The following APOL3 variants were observed in gnomAD, a reference collection of about 807,000 sequenced individuals.
APOL3 encodes apolipoprotein L3, also known as TNF-inducible protein CG12-1.
APOL3 carries 14 observed loss-of-function variants against 11.6 expected under a neutral mutation model. The ratio of observed to expected loss-of-function variants is 1.21; its 90% CI spans 0.80 to 1.89. The LOEUF (loss-of-function observed/expected upper bound fraction) is 1.89, where lower values mean the gene tolerates loss of function less well. Among genes scored for constraint, APOL3 ranks in the 40% most tolerant of loss-of-function variants. The pLI is 0.00. For missense variants in APOL3, 483 were observed against 492.1 expected, an observed-to-expected ratio of 0.98 and a Z score of 0.17; for synonymous variants, 192 against 190.6, an observed-to-expected ratio of 1.01 and a Z score of -0.06.
intron 1 of APOL3, among the ~76,000 whole-genome samples, chr22:36,151,044 ATTG>A (rs386821054): frequency 1.4e-4 from 22 of 152,326 alleles, no homozygotes; most frequent in African/African-American, 4.6e-4. Flanking sequence ...TCAGCCAAGA[ATTG>A]CCTGCTAAGC....
intron 1 of APOL3, among the ~76,000 whole-genome samples, chr22:36,155,069 A>G (rs926251223): frequency 6.6e-6 from 1 of 152,330 alleles, no homozygotes; most frequent in Non-Finnish European, 1.5e-5. Context: ...AACTGGTTCA[A>G]CCACCTACAG....
At chr22:36,148,414 C>G (rs1038666287) in intron 1 of APOL3, among the ~76,000 whole-genome samples, 4 of 152,220 alleles carry the variant, frequency 2.6e-5, no homozygotes, top group Admixed American at 6.5e-5. Flanking sequence ...GGCCAGGTAC[C>G]CATGTACTAT....
At chr22:36,145,303 C>G (rs1245414765) in intron 2 of APOL3, among the ~76,000 whole-genome samples, 170 bp downstream of exon 3, 1 of 152,198 alleles carries the variant, frequency 6.6e-6, no homozygotes, top group African/African-American at 2.4e-5. Flanking sequence ...TCACTCACTG[C>G]CAGCGAAGGA....
upstream of APOL3, among the ~76,000 whole-genome samples, chr22:36,164,395 T>G (rs2013807265): frequency 1.3e-5 from 2 of 152,188 alleles, no homozygotes; most frequent in South Asian, 4.2e-4. Flanking sequence ...AACAAACCTG[T>G]TACAACCTCC....
intron 1 of APOL3, among the ~76,000 whole-genome samples, chr22:36,147,324 G>A (rs1055506045): frequency 6.6e-6 from 1 of 152,144 alleles, no homozygotes; most frequent in African/African-American, 2.4e-5. Flanking sequence ...GATCCCTGTG[G>A]CCCTTCTGTG....
intron 2 of APOL3, among the ~76,000 whole-genome samples, chr22:36,144,873 C>A (rs1000168046): frequency 2.6e-5 from 4 of 151,636 alleles, no homozygotes; most frequent in African/African-American, 9.7e-5. Context: ...TAGCCGGATG[C>A]GGTGGCCGGA....
At chr22:36,163,006 C>T (rs531990312), upstream of APOL3, among the ~76,000 whole-genome samples, 1 of 152,284 alleles carries the variant, frequency 6.6e-6, no homozygotes, top group East Asian at 1.9e-4. Context: ...GGTATATCCC[C>T]CAACATGCCA....
intron 1 of APOL3, among the ~76,000 whole-genome samples, chr22:36,157,292 G>C (rs965918378): frequency 6.6e-6 from 1 of 152,150 alleles, no homozygotes; most frequent in Non-Finnish European, 1.5e-5. Context: ...ACCAACTACT[G>C]CCAGGGACTT....
At chr22:36,156,198 G>A (rs961636231) in intron 1 of APOL3, among the ~76,000 whole-genome samples, 15 of 151,776 alleles carry the variant, frequency 9.9e-5, no homozygotes, top group African/African-American at 3.1e-4. Context: ...AGGATCAATC[G>A]ATCCTCCTGC....
chr22:36,154,713 C>T (rs2012457877), intron 1 of APOL3: 1 of 458,308 alleles, frequency 2.2e-6, no homozygotes, highest in Non-Finnish European at 4.5e-6. Context: ...AGCAATTAGA[C>T]TTCATAATAC....
intron 1 of APOL3, 28 bp from the exon 3 acceptor site, chr22:36,145,627 G>C (rs2060169622): frequency 6.2e-7 from 1 of 1,611,058 alleles, no homozygotes; most frequent in Admixed American, 1.7e-5. Flanking sequence ...GCATAAGATT[G>C]GAAGAAAGTG....
intron 1 of APOL3, among the ~76,000 whole-genome samples, chr22:36,152,891 CTGAGGTTGGGAGT>C (rs1174532680): frequency 1.1e-4 from 17 of 152,160 alleles, no homozygotes; most frequent in Non-Finnish European, 2.1e-4. Flanking sequence ...GGTGGATCAC[CTGAGGTTGGGAGT>C]TCGAGAGCAG....
intron 1 of APOL3, chr22:36,150,038 C>G (rs2060374849): frequency 5.1e-6 from 2 of 390,560 alleles, no homozygotes; most frequent in Admixed American, 2.9e-5. Flanking sequence ...TCTCCAACTC[C>G]TGGTTTCAAG....
chr22:36,147,384 T>C (rs955394105), intron 1 of APOL3, among the ~76,000 whole-genome samples: 7 of 152,134 alleles, frequency 4.6e-5, no homozygotes, highest in African/African-American at 1.7e-4. Flanking sequence ...CTCCCCACTA[T>C]CACCTCTGAA....
rs1374779401 is a variant in APOL3 at position 36,144,984 on chromosome 22, C to T, written c.350+489G>A. Among the ~76,000 whole-genome samples the T allele has an allele frequency of 1.3e-4, 17 of 135,694 alleles. No homozygotes were observed. In the Admixed American group the frequency reaches 1.4e-3, roughly 11 times the overall value. The allele number at this position is 135,694 out of a possible 152,430, so 89.0% of individuals were successfully genotyped here. A position where few individuals can be genotyped will look rare whatever the true frequency, so the allele number is the denominator to read the frequency against. On this transcript the variant is annotated intron_variant, in intron 2 of 2. Coordinates refer to ENST00000349314, the Ensembl canonical transcript of APOL3. ...CGAGATCATGCCACTGCACTCCAGC[C>T]TGGGGGACAAGCAAGACTCTGTCTC...
Position 36,153,425 on chromosome 22 carries a change from T to A in APOL3, c.223+7244A>T, listed in dbSNP as rs375022638. 17 of 456,174 alleles carry A rather than the reference T, an allele frequency of 3.7e-5. No individual in the cohort carries two copies. The East Asian group carries it at 4.9e-4, about 13-fold the overall frequency. The allele number at this position is 456,174 out of a possible 1,614,324, so 28.3% of individuals were successfully genotyped here. On this transcript the variant is annotated intron_variant, in intron 1 of 2. Transcript: ENST00000349314. ...ACCTCGGTGGCTGGGGTAACCAAGCTGCTAAGAAAAGTACGGATGTTGTCA... is the reference window on the plus strand; with the variant it reads ...ACCTCGGTGGCTGGGGTAACCAAGCAGCTAAGAAAAGTACGGATGTTGTCA...
chr22:36,161,039 A>G (rs1462444130), upstream of APOL3: 5 of 683,202 alleles, frequency 7.3e-6, no homozygotes, highest in Non-Finnish European at 1.0e-5. Flanking sequence ...CTGAAAGACT[A>G]TGAGACCCTC....
At chr22:36,158,692 C>T (rs1050844526) in intron 1 of APOL3, among the ~76,000 whole-genome samples, 3 of 152,058 alleles carry the variant, frequency 2.0e-5, no homozygotes, top group Non-Finnish European at 2.9e-5. Flanking sequence ...GGTGGCACGC[C>T]TCTGTAGTCC....
exon 1 of APOL3, chr22:36,160,880 G>T (rs766916793): frequency 6.2e-7 from 1 of 1,613,612 alleles, no homozygotes; most frequent in Non-Finnish European, 8.5e-7. Context: ...CCCACCCTTG[G>T]CCCAGTCCCA....
Sources: allele counts gnomAD v4.1 joint callset (sites outside exome capture counted in the v4.1 genomes callset), GRCh38; gene constraint gnomAD v4.1.1; transcripts MANE v1.5; gene names NCBI Gene and HGNC (gene_info 2026-07-23, HGNC 2026-07-21).